GAB2: variants seen among roughly 807,000 people sequenced by gnomAD.
The protein encoded by GAB2 is GRB2 associated binding protein 2, also known as GRB2-associated-binding protein 2.
Under a neutral mutation model 65.5 loss-of-function variants are expected in GAB2, and 26 were observed. The ratio of observed to expected loss-of-function variants is 0.40; its 90% CI spans 0.29 to 0.55. The LOEUF (loss-of-function observed/expected upper bound fraction) is 0.55, where lower values mean the gene tolerates loss of function less well. Ranked by LOEUF, GAB2 falls within the 20% of genes least tolerant of loss-of-function variation. The pLI, the probability that GAB2 is intolerant of heterozygous loss-of-function variation, is 0.53. For missense variants in GAB2, 884 were observed against 875.8 expected, an observed-to-expected ratio of 1.01 and a Z score of -0.12; for synonymous variants, 321 against 329.6, an observed-to-expected ratio of 0.97 and a Z score of 0.28.
At chr11:78,303,485 T>TA (rs1318578263) in intron 1 of GAB2, among the ~76,000 whole-genome samples, 4 of 152,194 alleles carry the variant, frequency 2.6e-5, no homozygotes, top group Non-Finnish European at 5.9e-5. Flanking sequence ...CAAATACATG[T>TA]AGGCCTATTT....
intron 1 of GAB2, among the ~76,000 whole-genome samples, chr11:78,335,892 CCTT>C (rs1050484074): frequency 2.6e-5 from 4 of 151,870 alleles, no homozygotes; most frequent in Admixed American, 6.6e-5. Context: ...TTTTCTGGTG[CCTT>C]CTTTAGTTTT....
intron 1 of GAB2, among the ~76,000 whole-genome samples, chr11:78,371,835 A>T (rs998413351): frequency 2.0e-5 from 3 of 152,240 alleles, no homozygotes; most frequent in African/African-American, 7.2e-5. Flanking sequence ...AAAAAAATAA[A>T]TAAAAGGTTT....
At chr11:78,310,773 A>G (rs1213754163) in intron 1 of GAB2, among the ~76,000 whole-genome samples, 2 of 152,194 alleles carry the variant, frequency 1.3e-5, no homozygotes, top group African/African-American at 4.8e-5. Flanking sequence ...TTACAGCTGC[A>G]GCTTCAGGTG....
chr11:78,278,758 T>C (rs1044718039), intron 2 of GAB2, among the ~76,000 whole-genome samples: 4 of 151,920 alleles, frequency 2.6e-5, no homozygotes, highest in African/African-American at 9.7e-5. Context: ...TCTCGTTCTG[T>C]CATCCAGGCT....
chr11:78,247,226 T>G (rs1481700350), intron 3 of GAB2, among the ~76,000 whole-genome samples: 2 of 152,200 alleles, frequency 1.3e-5, no homozygotes, highest in Admixed American at 1.3e-4. Flanking sequence ...CTATCTCCTT[T>G]TATTTATTTT....
At chr11:78,247,361 T>C (rs749530761) in intron 3 of GAB2, among the ~76,000 whole-genome samples, 1 of 152,214 alleles carries the variant, frequency 6.6e-6, no homozygotes, top group Non-Finnish European at 1.5e-5. Flanking sequence ...TCTTTTTCGG[T>C]TTCTACATCC....
rs1432476518 is a variant in GAB2, at chr11:78,268,270, G to A, written c.376+12331C>T. ...ACTGTTGAAGAAACTGAGATAAATC[G>A]TAACAAAGCTGAAATTTAAAACCAG... On this transcript the variant is annotated intron_variant, in intron 2 of 9. Coordinates refer to ENST00000361507, the MANE Select transcript of GAB2 (RefSeq NM_080491.3). Among the ~76,000 whole-genome samples, 3 of 152,164 alleles carry A rather than the reference G, an allele frequency of 2.0e-5. No individual in the cohort carries two copies. In the East Asian group the frequency reaches 5.8e-4, roughly 29 times the overall value.
At chr11:78,378,666 G>A (rs185833407) in intron 1 of GAB2, among the ~76,000 whole-genome samples, 141 of 151,450 alleles carry the variant, frequency 9.3e-4, no homozygotes, top group African/African-American at 2.9e-3. Flanking sequence ...TTGTTCTTTT[G>A]TTTTGTTTCT....
At position 78,342,526 on chromosome 11, in the gene GAB2, A is replaced by G. The variant is rs2134693010; in HGVS notation, c.76-61625T>C. 2.0e-5 allele frequency among the ~76,000 whole-genome samples: 3 copies of G among 148,114 alleles called. No individual in the cohort carries two copies. In the South Asian group the frequency reaches 6.3e-4, roughly 31 times the overall value. ...CGGTTTCACGCCATTCTTCTGCCTC[A>G]GTCTCCCGAGTAGCTGGGACTACAG... On this transcript the variant is annotated intron_variant, in intron 1 of 9. Coordinates refer to ENST00000361507, the MANE Select transcript of GAB2 (RefSeq NM_080491.3).
chr11:78,391,973 G>T (rs913160912), intron 1 of GAB2, among the ~76,000 whole-genome samples: 1 of 152,206 alleles, frequency 6.6e-6, no homozygotes, highest in Non-Finnish European at 1.5e-5. Context: ...GGGTGCAGTA[G>T]CTCATGCCTG....
intron 1 of GAB2, among the ~76,000 whole-genome samples, chr11:78,389,731 A>G (rs1856810310): frequency 6.6e-6 from 1 of 152,332 alleles, no homozygotes; most frequent in Admixed American, 6.5e-5. Context: ...TGTGAATTAC[A>G]TCCCAACAAA....
chr11:78,388,358 G>A (rs964321757), intron 1 of GAB2, among the ~76,000 whole-genome samples: 10 of 147,410 alleles, frequency 6.8e-5, no homozygotes, highest in African/African-American at 2.3e-4. Flanking sequence ...ACAGGGTCTC[G>A]CTCTGTTGTC....
At chr11:78,336,896 T>A (rs1298271296) in intron 1 of GAB2, among the ~76,000 whole-genome samples, 1 of 152,220 alleles carries the variant, frequency 6.6e-6, no homozygotes, top group African/African-American at 2.4e-5. Flanking sequence ...AAGTGATATA[T>A]ATTGAACTAA....
intron 1 of GAB2, among the ~76,000 whole-genome samples, chr11:78,282,337 C>T (rs1237763809): frequency 6.8e-6 from 1 of 146,846 alleles, no homozygotes; most frequent in Non-Finnish European, 1.5e-5. Flanking sequence ...GACGGAGTTT[C>T]GCTCTGTCAC....
chr11:78,355,140 T>C (rs1163117621), intron 1 of GAB2, among the ~76,000 whole-genome samples: 1 of 152,210 alleles, frequency 6.6e-6, no homozygotes, highest in Non-Finnish European at 1.5e-5. Context: ...TCCACGGGAA[T>C]AGGGATTAGG....
intron 3 of GAB2, among the ~76,000 whole-genome samples, chr11:78,242,609 T>C (rs1168557340): frequency 6.6e-6 from 1 of 152,014 alleles, no homozygotes; most frequent in East Asian, 1.9e-4. Flanking sequence ...GCAGTATTAA[T>C]AGAGAAGTTT....
intron 1 of GAB2, among the ~76,000 whole-genome samples, chr11:78,399,702 C>T (rs1208546017): frequency 6.6e-6 from 1 of 152,208 alleles, no homozygotes; most frequent in Non-Finnish European, 1.5e-5. Context: ...CACCCATGCT[C>T]ATGTTCAGAG....
chr11:78,250,115 G>T, intron 3 of GAB2, 42 bp downstream of exon 3: 1 of 1,604,576 alleles, frequency 6.2e-7, no homozygotes, highest in South Asian at 1.1e-5. Context: ...TAGGCCCTGT[G>T]AGCGGTCACT....
chr11:78,290,503 G>C (rs1866633254), intron 1 of GAB2, among the ~76,000 whole-genome samples: 1 of 152,152 alleles, frequency 6.6e-6, no homozygotes, highest in South Asian at 2.1e-4. Context: ...TAGATCTCAA[G>C]GTCTTCAAGC....
Sources: allele counts gnomAD v4.1 joint callset (sites outside exome capture counted in the v4.1 genomes callset), GRCh38; gene constraint gnomAD v4.1.1; transcripts MANE v1.5; gene names NCBI Gene and HGNC (gene_info 2026-07-23, HGNC 2026-07-21).